Variants in PRKAR1B observed in about 807,000 individuals in gnomAD.
The protein encoded by PRKAR1B is protein kinase cAMP-dependent type I regulatory subunit beta, also known as cAMP-dependent protein kinase type I-beta regulatory subunit.
PRKAR1B carries 22 observed loss-of-function variants against 46.5 expected under a neutral mutation model. That is an observed-to-expected ratio of 0.47 (90% CI 0.34 to 0.68). PRKAR1B has a LOEUF of 0.68. Among genes scored for constraint, PRKAR1B ranks in the 30% least tolerant of loss-of-function variants. The pLI is 0.01. For synonymous variants in PRKAR1B, 259 were observed against 217.7 expected (o/e 1.19, Z -1.67); for missense variants, 445 against 535.6 (o/e 0.83, Z 1.67).
At chr7:716,007 A>G (rs370752854) in intron 1 of PRKAR1B, among the ~76,000 whole-genome samples, 36 of 149,744 alleles carry the variant, frequency 2.4e-4, no homozygotes, top group South Asian at 4.3e-4. Flanking sequence ...GAGCCACCGC[A>G]CCCGGCCTAG....
intron 2 of PRKAR1B, chr7:691,417 G>T (rs771972067): frequency 1.6e-4 from 180 of 1,098,088 alleles, no homozygotes; most frequent in Non-Finnish European, 2.2e-4. Context: ...CAGGAGGGGT[G>T]CAGGAGGGTG....
Position 620,687 on chromosome 7 carries a change from G to T in PRKAR1B, c.441-13235C>A, listed in dbSNP as rs567458391. 1.3e-3 allele frequency among the ~76,000 whole-genome samples: 196 copies of T among 152,304 alleles called. 2 individuals are homozygous for T. The highest frequency in any genetic ancestry group is 4.5e-3 in the African/African-American group (187 of 41,556). ...CACCAACCCTGCTGAACACTCATAA[G>T]AATGTAAGAGTTGTTCTGTGTATTC... On this transcript the variant is annotated intron_variant, in intron 4 of 10. Transcript: ENST00000537384.
chr7:638,923 C>G (rs1378469093), intron 4 of PRKAR1B, among the ~76,000 whole-genome samples: 2 of 151,886 alleles, frequency 1.3e-5, no homozygotes, highest in African/African-American at 4.8e-5. Flanking sequence ...ATTACAAATA[C>G]AAAAATTATC....
chr7:559,127 A>C (rs1778630076), intron 9 of PRKAR1B, among the ~76,000 whole-genome samples: 1 of 152,240 alleles, frequency 6.6e-6, no homozygotes, highest in Admixed American at 6.5e-5. Context: ...ACGGCCGTGA[A>C]CGAGGAGGCC....
rs1782148422 is a variant in PRKAR1B, at chr7:607,330, T to C, written c.502+61A>G. ...TGCCTGCCCTTATGCTATTTTTTTT[T>C]TAAGTGCATAGTCCATTTTTCCCCT... On this transcript the variant is annotated intron_variant, in intron 5 of 10. Transcript: ENST00000537384. 3 of 1,509,760 alleles carry C rather than the reference T, an allele frequency of 2.0e-6. No homozygotes were observed. The Admixed American group carries it at 5.2e-5, about 26-fold the overall frequency. 93.5% of individuals were successfully genotyped at this position (1,509,760 alleles called of 1,614,324 possible).
chr7:561,251 A>C (rs1184296717), intron 9 of PRKAR1B, among the ~76,000 whole-genome samples: 1 of 150,928 alleles, frequency 6.6e-6, no homozygotes, highest in Non-Finnish European at 1.5e-5. Context: ...CCTAGGCACA[A>C]ACACACAGGC....
In PRKAR1B at chr7:588,893, G is replaced by GATCAC. The variant is rs777995391; in HGVS notation, c.709-4326_709-4325insGTGAT. 8.7e-4 allele frequency among the ~76,000 whole-genome samples: 21 copies of GATCAC among 24,242 alleles called. 7 individuals are homozygous for GATCAC. The highest frequency in any genetic ancestry group is 1.1e-3 in the African/African-American group (4 of 3,792). 15.9% of individuals were successfully genotyped at this position (24,242 alleles called of 152,430 possible). Reference sequence around the variant, plus strand: ...TGTTGGTGAGGATAGTGACAGTGGTGGTGATGGTGACGGTGGTGATGGTGA... The same window carrying GATCAC: ...TGTTGGTGAGGATAGTGACAGTGGTGATCACGTGATGGTGACGGTGGTGATGGTGA... On this transcript the variant is annotated intron_variant, in intron 7 of 10. Coordinates refer to ENST00000537384, the MANE Select transcript of PRKAR1B (RefSeq NM_001164760.2).
intron 9 of PRKAR1B, among the ~76,000 whole-genome samples, chr7:575,320 C>G (rs906487694): frequency 1.3e-5 from 2 of 152,216 alleles, no homozygotes; most frequent in African/African-American, 4.8e-5. Flanking sequence ...CAGAGCACAG[C>G]TGCTGGGCCC....
chr7:605,354 G>A (rs1210802200), intron 6 of PRKAR1B, among the ~76,000 whole-genome samples: 2 of 152,204 alleles, frequency 1.3e-5, no homozygotes, highest in Non-Finnish European at 2.9e-5. Context: ...CCGTGCGGGG[G>A]GCGGCCTGCA....
In PRKAR1B at chr7:561,607, C is replaced by T. The variant is rs183000339; in HGVS notation, c.892-10137G>A. On this transcript the variant is annotated intron_variant, in intron 9 of 10. Coordinates refer to ENST00000537384, the MANE Select transcript of PRKAR1B (RefSeq NM_001164760.2). The stretch of plus-strand genomic sequence containing the variant: ...CACTTCCCCGCAATCATCCCCTGCC[C>T]GCTCCTCAGGCCCGGCTGGCCGAGA... 3.3e-5 allele frequency among the ~76,000 whole-genome samples: 5 copies of T among 152,326 alleles called. No homozygotes were observed. In the East Asian group the frequency reaches 7.7e-4, roughly 24 times the overall value.
intron 6 of PRKAR1B, among the ~76,000 whole-genome samples, chr7:599,367 G>C (rs1370967437): frequency 6.6e-6 from 1 of 151,388 alleles, no homozygotes; most frequent in Non-Finnish European, 1.5e-5. Context: ...GTGCGATCTC[G>C]GCTCACCGCA....
rs112227722 is a variant in PRKAR1B at position 666,330 on chromosome 7, T to C, written c.440+10899A>G. Among the ~76,000 whole-genome samples the C allele has an allele frequency of 0.015, 2,303 of 149,952 alleles. 62 individuals carry two copies. The highest frequency in any genetic ancestry group is 0.053 in the African/African-American group (2,129 of 40,484). On this transcript the variant is annotated intron_variant, in intron 4 of 10. Coordinates refer to ENST00000537384, the MANE Select transcript of PRKAR1B (RefSeq NM_001164760.2). The surrounding 1 kb of genome is among the most constrained non-coding windows in gnomAD (Gnocchi z 4.9). ...GCTCCAGGGACAGCCTTCATGGTCC[T>C]GGCACATCAGAGAGCTCCGGAGCAC... is the stretch of plus-strand genomic sequence containing the variant.
intron 4 of PRKAR1B, among the ~76,000 whole-genome samples, chr7:613,729 C>G (rs1454157066): frequency 6.6e-6 from 1 of 152,244 alleles, no homozygotes; most frequent in African/African-American, 2.4e-5. Flanking sequence ...ACCAGGCCCA[C>G]CTGGAAAACA....
intron 4 of PRKAR1B, among the ~76,000 whole-genome samples, chr7:663,214 T>C (rs1785712450): frequency 6.6e-6 from 1 of 152,148 alleles, no homozygotes; most frequent in Admixed American, 6.5e-5. Context: ...TTTTTATTGA[T>C]GTGTGTTTAT....
At chr7:646,980 C>A (rs1784650042) in intron 4 of PRKAR1B, among the ~76,000 whole-genome samples, 1 of 152,148 alleles carries the variant, frequency 6.6e-6, no homozygotes, top group South Asian at 2.1e-4. Flanking sequence ...GACACTGCCC[C>A]CCACTCCTGG....
chr7:595,575 G>A (rs986517004), intron 7 of PRKAR1B, among the ~76,000 whole-genome samples: 11 of 152,170 alleles, frequency 7.2e-5, no homozygotes, highest in African/African-American at 2.2e-4. Context: ...CTCACCTCCA[G>A]GAGCCCCTAC....
At chr7:586,281 G>C (rs979153161) in intron 7 of PRKAR1B, among the ~76,000 whole-genome samples, 1 of 152,194 alleles carries the variant, frequency 6.6e-6, no homozygotes, top group African/African-American at 2.4e-5. Flanking sequence ...CTCGCCTCCT[G>C]GTGTCCACAC....
chr7:647,909 C>T (rs978755465), intron 4 of PRKAR1B, among the ~76,000 whole-genome samples: 2 of 151,478 alleles, frequency 1.3e-5, no homozygotes, highest in African/African-American at 2.4e-5. Flanking sequence ...ACCTGTAATC[C>T]GGTGCTTTGA....
intron 4 of PRKAR1B, among the ~76,000 whole-genome samples, chr7:635,559 C>T (rs1438215693): frequency 1.3e-5 from 2 of 152,200 alleles, no homozygotes; most frequent in African/African-American, 2.4e-5. Context: ...TAGGCCTCTC[C>T]CCAGGGCACT....
Sources: gnomAD v4.1 joint callset for allele counts (sites outside exome capture counted in the v4.1 genomes callset) on GRCh38, gnomAD v4.1.1 for gene constraint, Gnocchi (gnomAD v3.1) non-coding constraint, MANE v1.5 for transcripts, NCBI Gene and HGNC (gene_info 2026-07-23, HGNC 2026-07-21) for gene names.